The following PMS1 variants were observed in gnomAD, a reference collection of about 807,000 sequenced individuals.
PMS1 encodes the protein PMS1 protein homolog 1.
In PMS1, 79 loss-of-function variants were observed where a neutral mutation model predicts 93.1. That is an observed-to-expected ratio of 0.85 (90% CI 0.71 to 1.02). The LOEUF (loss-of-function observed/expected upper bound fraction) is 1.02. PMS1 is among the 50% of genes least tolerant of loss of function. The pLI is 0.00. For synonymous variants in PMS1, 335 were observed against 363.4 expected (o/e 0.92, Z 0.89); for missense variants, 1,064 against 1,085.3 (o/e 0.98, Z 0.28).
chr2:189,786,077 A>G (rs566596198), intron 1 of PMS1, among the ~76,000 whole-genome samples: 20 of 152,228 alleles, frequency 1.3e-4, no homozygotes, highest in Admixed American at 7.2e-4. Flanking sequence ...GTGAGCCAAA[A>G]TCGCTGCACT....
chr2:189,805,216 T>A (rs1308018936), intron 3 of PMS1, among the ~76,000 whole-genome samples: 1 of 152,016 alleles, frequency 6.6e-6, no homozygotes, highest in Non-Finnish European at 1.5e-5. Context: ...AATACAGAAG[T>A]GCAGTTTTAC....
intron 6 of PMS1, among the ~76,000 whole-genome samples, chr2:189,849,620 T>C (rs1364710567): frequency 6.6e-6 from 1 of 152,140 alleles, no homozygotes; most frequent in Admixed American, 6.6e-5. Flanking sequence ...AGGTTTATTG[T>C]TTTTGTTGCT....
At chr2:189,858,783 A>G (rs926962815) in intron 9 of PMS1, among the ~76,000 whole-genome samples, 2 of 152,146 alleles carry the variant, frequency 1.3e-5, no homozygotes, top group Non-Finnish European at 2.9e-5. Context: ...TAAAATTGTG[A>G]ATATAGCAAG....
intron 3 of PMS1, among the ~76,000 whole-genome samples, chr2:189,799,870 A>G (rs2049727398): frequency 6.6e-6 from 1 of 152,222 alleles, no homozygotes; most frequent in Non-Finnish European, 1.5e-5. Context: ...ACATTGCCCT[A>G]TGCCCACTGG....
At chr2:189,809,447 CTTTT>C (rs972672920) in intron 4 of PMS1, among the ~76,000 whole-genome samples, 11 of 63,432 alleles carry the variant, frequency 1.7e-4, no homozygotes, top group African/African-American at 4.4e-4. Context: ...AAGCACATTT[CTTTT>C]TTTTTTTTTT....
intron 5 of PMS1, among the ~76,000 whole-genome samples, chr2:189,830,226 G>T (rs2052802922): frequency 6.6e-6 from 1 of 152,176 alleles, no homozygotes; most frequent in South Asian, 2.1e-4. Flanking sequence ...AAGGCCATGG[G>T]CTGTAGTTTG....
intron 5 of PMS1, among the ~76,000 whole-genome samples, chr2:189,843,248 C>T (rs913511434): frequency 6.6e-6 from 1 of 151,934 alleles, no homozygotes; most frequent in Non-Finnish European, 1.5e-5. Context: ...GAACTCCTGA[C>T]CTCAAGTGAT....
At chr2:189,876,272 A>C (rs899323025) in intron 12 of PMS1, among the ~76,000 whole-genome samples, 3 of 152,136 alleles carry the variant, frequency 2.0e-5, no homozygotes, top group African/African-American at 7.2e-5. Flanking sequence ...AGATCTGAAA[A>C]TAAGAGCTGT....
At chr2:189,862,029 C>T (rs2056070346) in intron 9 of PMS1, among the ~76,000 whole-genome samples, 1 of 151,896 alleles carries the variant, frequency 6.6e-6, no homozygotes. Flanking sequence ...TTGTATTTCT[C>T]CAAATTTGCT....
chr2:189,843,472 T>G lies in PMS1; in HGVS notation c.583-492T>G, dbSNP rs574716818. On this transcript the variant is annotated intron_variant, in intron 5 of 12. Transcript: ENST00000441310. ...ATTATGATTTAATTAAGAATGCTCT[T>G]TCCGAAATTTTTATACCTGTTTGAC... Among the ~76,000 whole-genome samples, 15 of 152,350 alleles carry G rather than the reference T, an allele frequency of 9.8e-5. No individual in the cohort carries two copies. The South Asian group carries it at 3.1e-3, about 32-fold the overall frequency.
At chr2:189,873,911 C>A (rs1379467337) in intron 12 of PMS1, among the ~76,000 whole-genome samples, 1 of 152,154 alleles carries the variant, frequency 6.6e-6, no homozygotes, top group African/African-American at 2.4e-5. Context: ...CCCCACCCGC[C>A]AACTGGAAAA....
At chr2:189,808,051 C>T (rs1350957290) in intron 4 of PMS1, among the ~76,000 whole-genome samples, 1 of 152,116 alleles carries the variant, frequency 6.6e-6, no homozygotes, top group Middle Eastern at 3.2e-3. Flanking sequence ...GATTGAATCA[C>T]ATACTCATAT....
At position 189,844,578 on chromosome 2, in the gene PMS1, A is replaced by T. The variant is rs528434987; in HGVS notation, c.699+498A>T. Among the ~76,000 whole-genome samples the T allele has an allele frequency of 5.2e-3, 718 of 138,782 alleles. 1 individual carries two copies. Among genetic ancestry groups the T allele is most frequent in the Non-Finnish European group, 9.3e-3 (609 of 65,526 alleles). The allele number at this position is 138,782 out of a possible 152,430, so 91.0% of individuals were successfully genotyped here. A position where few individuals can be genotyped will look rare whatever the true frequency, so the allele number is the denominator to read the frequency against. Reference sequence around the variant, plus strand: ...ATAATCACTTGAATCCAGGAGGCAGAGGTTGCAGTGAGCCGAGATTGCACC... The same window carrying T: ...ATAATCACTTGAATCCAGGAGGCAGTGGTTGCAGTGAGCCGAGATTGCACC... On this transcript the variant is annotated intron_variant, in intron 6 of 12. Coordinates refer to ENST00000441310, the MANE Select transcript of PMS1 (RefSeq NM_000534.5).
At chr2:189,858,332 T>TA (rs924152272) in intron 9 of PMS1, among the ~76,000 whole-genome samples, 3 of 151,378 alleles carry the variant, frequency 2.0e-5, no homozygotes, top group South Asian at 2.1e-4. Flanking sequence ...CTATTTAAAC[T>TA]AAAAAAAAAT....
intron 9 of PMS1, among the ~76,000 whole-genome samples, chr2:189,858,172 G>A (rs748383477): frequency 2.0e-5 from 3 of 151,980 alleles, no homozygotes; most frequent in Non-Finnish European, 4.4e-5. Flanking sequence ...CTTCCTTTCT[G>A]GAGTTTGTTT....
intron 12 of PMS1, among the ~76,000 whole-genome samples, chr2:189,875,237 T>C (rs1299032797): frequency 2.7e-5 from 4 of 149,864 alleles, no homozygotes; most frequent in African/African-American, 9.9e-5. Context: ...CTAGATGACA[T>C]TGGTAACCTT....
intron 1 of PMS1, among the ~76,000 whole-genome samples, chr2:189,786,098 C>T (rs904599371): frequency 6.6e-6 from 1 of 151,878 alleles, no homozygotes; most frequent in Non-Finnish European, 1.5e-5. Flanking sequence ...CTGGCCTGGG[C>T]AACAAAGTGA....
intron 11 of PMS1, among the ~76,000 whole-genome samples, chr2:189,872,965 TTAAG>T (rs1490303854): frequency 6.6e-6 from 1 of 152,184 alleles, no homozygotes; most frequent in Non-Finnish European, 1.5e-5. Context: ...TAAGAGTAAT[TTAAG>T]TAACAGTTAA....
intron 2 of PMS1, among the ~76,000 whole-genome samples, chr2:189,793,823 G>A (rs557568925): frequency 6.6e-6 from 1 of 152,258 alleles, no homozygotes; most frequent in Admixed American, 6.5e-5. Context: ...TACATGATAA[G>A]ACCTGTTTCA....
Sources: gnomAD v4.1 joint callset for allele counts (sites outside exome capture counted in the v4.1 genomes callset) on GRCh38, gnomAD v4.1.1 for gene constraint, MANE v1.5 for transcripts, NCBI Gene and HGNC (gene_info 2026-07-23, HGNC 2026-07-21) for gene names.